The following PLCXD2 variants were observed in gnomAD, a reference collection of about 807,000 sequenced individuals.
The protein encoded by PLCXD2 is phosphatidylinositol specific phospholipase C X domain containing 2.
Under a neutral mutation model 28.6 loss-of-function variants are expected in PLCXD2, and 21 were observed. That is an observed-to-expected ratio of 0.73 (90% CI 0.52 to 1.06). The LOEUF is 1.06. PLCXD2 is among the 50% of genes least tolerant of loss of function. The probability of loss-of-function intolerance (pLI) is 0.00; values close to 1 mark genes in which losing one functional copy is unlikely to be tolerated. For synonymous variants in PLCXD2, 140 were observed against 150.1 expected (o/e 0.93, Z 0.49); for missense variants, 369 against 376.7 (o/e 0.98, Z 0.17).
chr3:111,709,470 ACACACACACACACG>A (rs1397530739), intron 2 of PLCXD2, among the ~76,000 whole-genome samples: 1 of 150,274 alleles, frequency 6.7e-6, no homozygotes, highest in Non-Finnish European at 1.5e-5. Flanking sequence ...GTGTATATAC[ACACACACACACACG>A]CACACACACA....
chr3:111,704,783 A>G (rs68057139), intron 1 of PLCXD2, among the ~76,000 whole-genome samples: 20,715 of 151,914 alleles, frequency 0.14, 1,577 homozygotes, highest in African/African-American at 0.18. Flanking sequence ...ACAGTGCTGC[A>G]AAACACCAGA....
At chr3:111,714,231 G>C in intron 3 of PLCXD2, 103 bp downstream of exon 3, 1 of 1,399,924 alleles carries the variant, frequency 7.1e-7, no homozygotes, top group Admixed American at 2.8e-5. Flanking sequence ...TGAGGAGTTA[G>C]AAAAACAACA....
At chr3:111,684,598 G>C (rs1940766030) in intron 1 of PLCXD2, among the ~76,000 whole-genome samples, 1 of 151,426 alleles carries the variant, frequency 6.6e-6, no homozygotes, top group Non-Finnish European at 1.5e-5. Context: ...AGGTTGCAGA[G>C]AGCCAAGATC....
At chr3:111,706,812 CAA>C (rs34217304) in intron 1 of PLCXD2, among the ~76,000 whole-genome samples, 3,103 of 114,990 alleles carry the variant, frequency 0.027, 37 homozygotes, top group South Asian at 0.079. Context: ...GACTTTAAGG[CAA>C]AAAAAAAAAA....
chr3:111,718,913 T>C (rs1044110298), intron 3 of PLCXD2, among the ~76,000 whole-genome samples: 5 of 152,236 alleles, frequency 3.3e-5, no homozygotes, highest in Non-Finnish European at 5.9e-5. Context: ...TATTCCTTTA[T>C]GTCACTAAAT....
At chr3:111,682,901 T>A (rs1940738244) in intron 1 of PLCXD2, among the ~76,000 whole-genome samples, 1 of 152,232 alleles carries the variant, frequency 6.6e-6, no homozygotes, top group South Asian at 2.1e-4. Flanking sequence ...TCCTTTTGCT[T>A]CTTTTGGTTC....
At chr3:111,703,314 G>A (rs1484659668) in intron 1 of PLCXD2, among the ~76,000 whole-genome samples, 1 of 152,214 alleles carries the variant, frequency 6.6e-6, no homozygotes, top group Admixed American at 6.5e-5. Context: ...TCTGTTCCTA[G>A]GAAATATACA....
intron 3 of PLCXD2, chr3:111,723,282 G>A (rs772493215): frequency 2.6e-5 from 4 of 152,166 alleles, no homozygotes; most frequent in Non-Finnish European, 5.9e-5. Context: ...GGCCAGGTGT[G>A]TTGACAAGTA....
Position 111,708,047 on chromosome 3 carries a change from T to A in PLCXD2, c.285T>A (p.Ser95=). 1 of 1,614,202 alleles carries A rather than the reference T, an allele frequency of 6.2e-7. No homozygotes were observed. Among genetic ancestry groups the A allele is most frequent in the Admixed American group, 1.7e-5 (1 of 60,026 alleles). The change falls in exon 2 of 5, where the codon TCT becomes TCA. Residue 95 remains serine, a synonymous_variant. Transcript: ENST00000477665. ...TGAAGAAGCTAATGAAGAAGTGGTC[T>A]GTGACTCAGAACCTGACATTTCGAG...
chr3:111,708,877 GGA>G (rs1363511191), intron 2 of PLCXD2, among the ~76,000 whole-genome samples: 1 of 151,416 alleles, frequency 6.6e-6, no homozygotes, highest in Non-Finnish European at 1.5e-5. Flanking sequence ...GGTCTTAGAG[GGA>G]GAGAGAGTTA....
chr3:111,675,356 C>T lies in PLCXD2; in HGVS notation c.111C>T (p.Ala37=). 1 of 1,614,202 alleles carries T rather than the reference C, an allele frequency of 6.2e-7. No individual in the cohort carries two copies. ...AGGTCTGCAATGCCGACTGGATGGC[C>T]TCGCTCCCCCCTCACCTCCACAACC... is the stretch of plus-strand genomic sequence containing the variant. The change falls in exon 1 of 5, where the codon GCC becomes GCT. Residue 37 remains alanine, a synonymous_variant. Coordinates refer to ENST00000477665, the MANE Select transcript of PLCXD2 (RefSeq NM_001185106.1).
In PLCXD2 at chr3:111,713,978, G is replaced by T; in HGVS notation, c.716G>T (p.Ser239Ile). 6.2e-7 allele frequency: 1 copy of T among 1,614,144 alleles called. No individual in the cohort carries two copies. Among genetic ancestry groups the T allele is most frequent in the South Asian group, 1.1e-5 (1 of 91,084 alleles). The change falls in exon 3 of 5, where the codon AGT (serine) becomes ATT (isoleucine). Residue 239 changes from serine to isoleucine, a missense_variant. By Grantham distance (142) the Ser-to-Ile change is moderately radical (BLOSUM62 -2). Transcript: ENST00000477665. ...CCAGCGCCCTGGGCAAACACCACAA[G>T]TGTGCGCAAACTAATCCTCTTCTTG...
chr3:111,697,132 T>C (rs919760845), intron 1 of PLCXD2, among the ~76,000 whole-genome samples: 2 of 152,192 alleles, frequency 1.3e-5, no homozygotes, highest in African/African-American at 2.4e-5. Flanking sequence ...CTATAACTTA[T>C]AAGATTTATT....
In PLCXD2 at chr3:111,708,014, C is replaced by A. The variant is rs1296244268; in HGVS notation, c.252C>A (p.Ile84=). Reference sequence around the variant, plus strand: ...AAGCTATCAAACGCCTCGCCAGGATCTCCTTGGTGAAGAAGCTAATGAAGA... The same window carrying A: ...AAGCTATCAAACGCCTCGCCAGGATATCCTTGGTGAAGAAGCTAATGAAGA... The change falls in exon 2 of 5, where the codon ATC becomes ATA. Residue 84 remains isoleucine (I), a synonymous_variant. Transcript: ENST00000477665. 6.2e-7 allele frequency: 1 copy of A among 1,614,070 alleles called. No individual in the cohort carries two copies. Among genetic ancestry groups the A allele is most frequent in the Non-Finnish European group, 8.5e-7 (1 of 1,180,044 alleles).
intron 2 of PLCXD2, among the ~76,000 whole-genome samples, chr3:111,708,869 T>A (rs941706895): frequency 2.0e-5 from 3 of 151,948 alleles, no homozygotes; most frequent in African/African-American, 7.3e-5. Flanking sequence ...AGTATTTGGG[T>A]CTTAGAGGGA....
intron 2 of PLCXD2, among the ~76,000 whole-genome samples, chr3:111,708,699 C>T (rs1242858803): frequency 2.0e-5 from 3 of 152,096 alleles, no homozygotes; most frequent in Non-Finnish European, 4.4e-5. Context: ...CTCTGTTTCC[C>T]GAGGTCCATT....
At chr3:111,697,927 A>C (rs923883437) in intron 1 of PLCXD2, among the ~76,000 whole-genome samples, 1 of 152,160 alleles carries the variant, frequency 6.6e-6, no homozygotes, top group African/African-American at 2.4e-5. Context: ...TTTGAATTTC[A>C]ACTGTAGAAT....
chr3:111,693,021 G>C (rs765022163), intron 1 of PLCXD2, among the ~76,000 whole-genome samples: 114 of 152,210 alleles, frequency 7.5e-4, no homozygotes, highest in Non-Finnish European at 1.4e-3. Flanking sequence ...ATGGGAAAGA[G>C]GGAGGGGTAG....
At chr3:111,718,535 T>TAGATAGATAGATA (rs1559799114) in intron 3 of PLCXD2, among the ~76,000 whole-genome samples, 6 of 104,226 alleles carry the variant, frequency 5.8e-5, no homozygotes, top group African/African-American at 1.1e-4. Flanking sequence ...ATAGATAGAT[T>TAGATAGATAGATA]GATTGATTTA....
Sources: allele counts gnomAD v4.1 joint callset (sites outside exome capture counted in the v4.1 genomes callset), GRCh38; gene constraint gnomAD v4.1.1; transcripts MANE v1.5; gene names NCBI Gene and HGNC (gene_info 2026-07-23, HGNC 2026-07-21).